PIGG: variants seen among roughly 807,000 people sequenced by gnomAD.
PIGG encodes the protein phosphatidylinositol glycan anchor biosynthesis class G (EMM blood group).
PIGG carries 70 observed loss-of-function variants against 83.2 expected under a neutral mutation model. The observed-to-expected ratio is 0.84, with a 90% confidence interval of 0.69 to 1.03. The LOEUF is 1.03. Ranked by LOEUF, PIGG falls within the 50% of genes least tolerant of loss-of-function variation. The pLI, the probability that PIGG is intolerant of heterozygous loss-of-function variation, is 0.00. For missense variants in PIGG, 1,257 were observed against 1,233.6 expected (o/e 1.02, Z -0.28); for synonymous variants, 532 against 519.5 (o/e 1.02, Z -0.33).
At chr4:527,726 G>A in intron 10 of PIGG, 1 of 985,388 alleles carries the variant, frequency 1.0e-6, no homozygotes, top group African/African-American at 1.7e-5. Flanking sequence ...GGGGCCAGGA[G>A]CTCCTGTTGA....
At chr4:509,627 G>T (rs1378268078) in intron 5 of PIGG, among the ~76,000 whole-genome samples, 4 of 152,258 alleles carry the variant, frequency 2.6e-5, no homozygotes, top group African/African-American at 9.6e-5. Flanking sequence ...TGCTCTCACT[G>T]ACCCTTCAGC....
chr4:519,964 C>T (rs1382966536), intron 6 of PIGG, among the ~76,000 whole-genome samples: 7 of 148,792 alleles, frequency 4.7e-5, no homozygotes, highest in Admixed American at 4.0e-4. Context: ...TTGGTGCCTG[C>T]AGCAGTCGGG....
rs569732528 is a variant in PIGG, at chr4:538,854, T to TTACTC, written c.2736-298_2736-297insACTCT. ...TGGTGGCCCTCACCCATCCTTCTGTTTGCTTCATTTTTCTTCATGAATTTG... is the reference window on the plus strand; with the variant it reads ...TGGTGGCCCTCACCCATCCTTCTGTTTACTCTGCTTCATTTTTCTTCATGAATTTG... On this transcript the variant is annotated intron_variant, in intron 12 of 12. Coordinates refer to ENST00000453061, the MANE Select transcript of PIGG (RefSeq NM_001127178.3). 1.2e-4 allele frequency among the ~76,000 whole-genome samples: 18 copies of TTACTC among 152,290 alleles called. No individual in the cohort carries two copies. In the South Asian group the frequency reaches 2.9e-3, roughly 25 times the overall value.
chr4:506,064 TA>T, intron 3 of PIGG, 137 bp downstream of exon 3: 1 of 643,998 alleles, frequency 1.6e-6, no homozygotes. Context: ...TGGACAGGTG[TA>T]AAAATTATTC....
At position 536,002 on chromosome 4, in the gene PIGG, C is replaced by G. The variant is rs914760660; in HGVS notation, c.2735+2021C>G. On this transcript the variant is annotated intron_variant, in intron 12 of 12. Coordinates refer to ENST00000453061, the MANE Select transcript of PIGG (RefSeq NM_001127178.3). Reference sequence around the variant, plus strand: ...AGGACATGCGGGCAGGGCCCACGCACCCAGGCACGCACACCCGTGCCTGCC... The same window carrying G: ...AGGACATGCGGGCAGGGCCCACGCAGCCAGGCACGCACACCCGTGCCTGCC... Among the ~76,000 whole-genome samples, 8 of 152,348 alleles carry G rather than the reference C, an allele frequency of 5.3e-5. No individual in the cohort carries two copies. The Middle Eastern group carries it at 0.01, about 194-fold the overall frequency.
At chr4:533,497 T>C in intron 11 of PIGG, 1 of 350,674 alleles carries the variant, frequency 2.9e-6, no homozygotes, top group Non-Finnish European at 5.5e-6. Context: ...TGGACAAGGG[T>C]CTTAGATGTG....
chr4:536,070 G>A (rs1052727461), intron 12 of PIGG, among the ~76,000 whole-genome samples: 8 of 152,324 alleles, frequency 5.3e-5, no homozygotes, highest in Non-Finnish European at 1.0e-4. Flanking sequence ...CGCCGCTCAC[G>A]TCCTGTGTTG....
Position 507,531 on chromosome 4 carries a change from G to A in PIGG, c.697G>A (p.Gly233Arg), listed in dbSNP as rs782419585. The change falls in exon 4 of 13, where the codon GGG becomes AGG. Residue 233 changes from glycine to arginine, a missense_variant. Gly to Arg is a moderately radical substitution (Grantham distance 125, BLOSUM62 -2). Coordinates refer to ENST00000453061, the MANE Select transcript of PIGG (RefSeq NM_001127178.3). ...HISGPNSPLI[G>R]QKLSEMDSVL... is the part of the protein sequence containing the mutation. ...TTCAGGGCCCAACAGCCCCCTGATT[G>A]GGCAGAAGCTGAGCGAGATGGACAG... 1 of 1,614,202 alleles carries A rather than the reference G, an allele frequency of 6.2e-7. No individual in the cohort carries two copies. The highest frequency in any genetic ancestry group is 8.5e-7 in the Non-Finnish European group (1 of 1,180,024).
chr4:538,528 AGCACATGCAT>A (rs1731292886), intron 12 of PIGG, among the ~76,000 whole-genome samples: 1 of 152,234 alleles, frequency 6.6e-6, no homozygotes, highest in Admixed American at 6.5e-5. Flanking sequence ...GTGATATAGT[AGCACATGCAT>A]ATATAATTTT....
chr4:530,544 G>A lies in PIGG; in HGVS notation c.2370G>A (p.Lys790=). The change falls in exon 11 of 13, where the codon AAG becomes AAA. Residue 790 remains lysine, a synonymous_variant. Transcript: ENST00000453061. Reference sequence around the variant, plus strand: ...TCATTGCTGCAGACTTCAAACTCAAGACTGTAGGTTTATGGGAGATATATA... The same window carrying A: ...TCATTGCTGCAGACTTCAAACTCAAAACTGTAGGTTTATGGGAGATATATA... ...SQVIAADFKL[K]TVGLWEIYSG... is the part of the protein sequence containing the mutation. The A allele has an allele frequency of 1.2e-6, 2 of 1,613,604 alleles. No homozygotes were observed. Among genetic ancestry groups the A allele is most frequent in the Non-Finnish European group, 1.7e-6 (2 of 1,179,522 alleles).
chr4:530,322 C>T (rs1728730479), intron 10 of PIGG, 114 bp from the exon 11 acceptor site: 3 of 733,498 alleles, frequency 4.1e-6, no homozygotes, highest in Non-Finnish European at 6.9e-6. Context: ...CTTTAGTCAG[C>T]AGTGCTGGAC....
rs753253439 is a variant in PIGG, at chr4:523,731, T to C, written c.1887T>C (p.Asp629=). 2 of 1,614,182 alleles carry C rather than the reference T, an allele frequency of 1.2e-6. No individual in the cohort carries two copies. The highest frequency in any genetic ancestry group is 2.2e-5 in the East Asian group (1 of 44,884). Residue 629 remains aspartate, a synonymous_variant, in exon 9 of 13, where the codon GAT becomes GAC. Transcript: ENST00000453061. ...TAAWQDGPGC[D]VLERDKGHGS... ...CGTGGCAGGACGGGCCTGGCTGTGA[T>C]GTCCTGGAGCGAGACAAAGGCCACG... is the stretch of plus-strand genomic sequence containing the variant.
chr4:521,761 G>A lies in PIGG; in HGVS notation c.1434G>A (p.Leu478=). 6.2e-7 allele frequency: 1 copy of A among 1,614,162 alleles called. No homozygotes were observed. The highest frequency in any genetic ancestry group is 8.5e-7 in the Non-Finnish European group (1 of 1,180,022). The part of the protein sequence containing the change: ...SSPGFSLLFY[L]VILVLSAVHV... The stretch of plus-strand genomic sequence containing the variant: ...CTGGGTTTTCTCTGCTCTTTTATTT[G>A]GTGATCCTGGTTCTTTCGGCCGTTC... Residue 478 remains leucine, a synonymous_variant, in exon 8 of 13, where the codon TTG becomes TTA. Coordinates refer to ENST00000453061, the MANE Select transcript of PIGG (RefSeq NM_001127178.3).
Position 515,649 on chromosome 4 carries a change from C to T in PIGG, c.902-324C>T, listed in dbSNP as rs1002205001. ...TTGGCTGTTGACCTTGCCAAAGTGACAGTCCCTCCGTGTCTGCGGGACCAC... is the reference window on the plus strand; with the variant it reads ...TTGGCTGTTGACCTTGCCAAAGTGATAGTCCCTCCGTGTCTGCGGGACCAC... On this transcript the variant is annotated intron_variant, in intron 5 of 12. Coordinates refer to ENST00000453061, the MANE Select transcript of PIGG (RefSeq NM_001127178.3). The surrounding 1 kb of genome is among the most constrained non-coding windows in gnomAD (Gnocchi z 4.2). Among the ~76,000 whole-genome samples the T allele has an allele frequency of 7.2e-5, 11 of 152,270 alleles. No homozygotes were observed. Among genetic ancestry groups the T allele is most frequent in the African/African-American group, 2.7e-4 (11 of 41,482 alleles).
chr4:523,868 G>T lies in PIGG; in HGVS notation c.2024G>T (p.Gly675Val). Residue 675 changes from glycine (G) to valine (V), a missense_variant, in exon 9 of 13, where the codon GGT (glycine) becomes GTT (valine). Physicochemically the swap from Gly to Val is moderately radical, Grantham distance 109. Transcript: ENST00000453061. Reference sequence around the variant, plus strand: ...CTGCTGCGCTCCCTAAACCAGACAGGTGTGCAGTGGGCTCACCGGCCTGAC... The same window carrying T: ...CTGCTGCGCTCCCTAAACCAGACAGTTGTGCAGTGGGCTCACCGGCCTGAC... ...CRLLRSLNQT[G>V]VQWAHRPDLG... The T allele has an allele frequency of 6.4e-7, 1 of 1,573,454 alleles. No individual in the cohort carries two copies. Among genetic ancestry groups the T allele is most frequent in the South Asian group, 1.1e-5 (1 of 87,166 alleles).
In PIGG at chr4:533,664, C is replaced by T. The variant is rs1729633811; in HGVS notation, c.2572-154C>T. On this transcript the variant is annotated intron_variant, in intron 11 of 12. Transcript: ENST00000453061. The stretch of plus-strand genomic sequence containing the variant: ...CCAGCTCGGCAGTCTGAAGGAACGG[C>T]TGGGCAGCCACCTCTGACCACACGT... 4 of 676,602 alleles carry T rather than the reference C, an allele frequency of 5.9e-6. No individual in the cohort carries two copies. The East Asian group carries it at 1.1e-4, about 19-fold the overall frequency. The allele number at this position is 676,602 out of a possible 1,614,324, so 41.9% of individuals were successfully genotyped here.
In PIGG at chr4:499,273, G is replaced by A. The variant is rs962483104; in HGVS notation, c.-63G>A. 5.8e-6 allele frequency: 9 copies of A among 1,557,420 alleles called. No homozygotes were observed. Among genetic ancestry groups the A allele is most frequent in the Middle Eastern group, 1.7e-4 (1 of 5,722 alleles). ...GAGGCGGCTACCTGGAGCCGGAAGC[G>A]CGGCTGCAGCAGGGCGAGGCTCCAG... On this transcript the variant is annotated 5_prime_UTR_variant, in exon 1 of 13. Coordinates refer to ENST00000453061, the MANE Select transcript of PIGG (RefSeq NM_001127178.3).
intron 5 of PIGG, among the ~76,000 whole-genome samples, chr4:511,295 T>TAAA (rs537741053): frequency 0.015 from 2,155 of 142,700 alleles, 49 homozygotes; most frequent in African/African-American, 0.047. Context: ...CTCCCCATCT[T>TAAA]TAAAAAAAAA....
At position 531,078 on chromosome 4, in the gene PIGG, T is replaced by C. The variant is rs1728939664; in HGVS notation, c.2571+333T>C. 1.5e-5 allele frequency: 4 copies of C among 260,978 alleles called. No homozygotes were observed. In the South Asian group the frequency reaches 2.6e-4, roughly 17 times the overall value. The allele number at this position is 260,978 out of a possible 1,614,324, so 16.2% of individuals were successfully genotyped here. ...GTAATAATTGTTCTCGTTCATGCCC[T>C]TTGCCCCTGGTGTCGGGGCTGTCCA... On this transcript the variant is annotated intron_variant, in intron 11 of 12. Transcript: ENST00000453061.
Sources: gnomAD v4.1 joint callset for allele counts (sites outside exome capture counted in the v4.1 genomes callset) on GRCh38, gnomAD v4.1.1 for gene constraint, Gnocchi (gnomAD v3.1) non-coding constraint, MANE v1.5 for transcripts, NCBI Gene and HGNC (gene_info 2026-07-23, HGNC 2026-07-21) for gene names.